Variants in STXBP5L observed in about 807,000 individuals in gnomAD.
STXBP5L encodes syntaxin-binding protein 5-like.
STXBP5L carries 65 observed loss-of-function variants against 144.5 expected under a neutral mutation model. That is an observed-to-expected ratio of 0.45 (90% CI 0.37 to 0.55). The LOEUF (loss-of-function observed/expected upper bound fraction) is 0.55. STXBP5L is among the 20% of genes least tolerant of loss of function. The pLI, the probability that STXBP5L is intolerant of heterozygous loss-of-function variation, is 0.00. For missense variants in STXBP5L, 1,298 were observed against 1,405.5 expected (o/e 0.92, Z 1.22); for synonymous variants, 505 against 469.6 (o/e 1.08, Z -0.97).
intron 2 of STXBP5L, among the ~76,000 whole-genome samples, chr3:120,917,544 C>T (rs1402612974): frequency 6.6e-6 from 1 of 152,016 alleles, no homozygotes; most frequent in Non-Finnish European, 1.5e-5. Flanking sequence ...TTTAAAATAG[C>T]AAGGGGTGGC....
intron 6 of STXBP5L, among the ~76,000 whole-genome samples, chr3:121,120,210 A>G (rs1189480108): frequency 1.3e-5 from 2 of 151,262 alleles, no homozygotes; most frequent in Non-Finnish European, 3.0e-5. Flanking sequence ...TCAAACCAAG[A>G]GACGGAGAGG....
chr3:121,057,218 G>T (rs150022831), intron 5 of STXBP5L, among the ~76,000 whole-genome samples: 1 of 151,740 alleles, frequency 6.6e-6, no homozygotes, highest in Non-Finnish European at 1.5e-5. Flanking sequence ...TTTTGTATGC[G>T]TCAAAAAACA....
At chr3:121,219,740 C>A (rs2048917019) in intron 10 of STXBP5L, among the ~76,000 whole-genome samples, 1 of 152,078 alleles carries the variant, frequency 6.6e-6, no homozygotes, top group Non-Finnish European at 1.5e-5. Flanking sequence ...TAATTAAGTT[C>A]TCCAAGCCTC....
rs1429297858 is a variant in STXBP5L at position 121,413,430 on chromosome 3, TC to T, written c.3114+109del. ...TTAGGTCAGACAATAATTATGCCCT[TC>T]CAATAACATGTTTTGAATATATATT... On this transcript the variant is annotated intron_variant, in intron 24 of 26. Coordinates refer to ENST00000471454, the MANE Select transcript of STXBP5L (RefSeq NM_001308330.2). 3.2e-6 allele frequency: 3 copies of T among 935,772 alleles called. No homozygotes were observed. In the African/African-American group the frequency reaches 5.1e-5, roughly 16 times the overall value. 58.0% of individuals were successfully genotyped at this position (935,772 alleles called of 1,614,324 possible). A position where few individuals can be genotyped will look rare whatever the true frequency, so the allele number is the denominator to read the frequency against.
At chr3:121,362,227 G>A (rs896247391) in intron 20 of STXBP5L, among the ~76,000 whole-genome samples, 1 of 152,200 alleles carries the variant, frequency 6.6e-6, no homozygotes, top group African/African-American at 2.4e-5. Flanking sequence ...ATTGTGATGA[G>A]TCAGACCTAA....
intron 3 of STXBP5L, among the ~76,000 whole-genome samples, chr3:120,991,103 G>C (rs1312159581): frequency 2.0e-5 from 3 of 151,956 alleles, no homozygotes; most frequent in African/African-American, 7.3e-5. Context: ...CTAATATCCA[G>C]AATCTACAAT....
chr3:121,386,358 C>G (rs188952465), intron 22 of STXBP5L, among the ~76,000 whole-genome samples: 11 of 152,196 alleles, frequency 7.2e-5, no homozygotes, highest in Non-Finnish European at 1.6e-4. Flanking sequence ...ATAACAGCCT[C>G]CAGCTGCATT....
chr3:120,987,996 G>T (rs901668619), intron 3 of STXBP5L, among the ~76,000 whole-genome samples: 1 of 151,184 alleles, frequency 6.6e-6, no homozygotes, highest in African/African-American at 2.4e-5. Context: ...GGACTATTTT[G>T]TTTGTTGCCT....
chr3:121,030,357 G>T lies in STXBP5L; in HGVS notation c.288-11343G>T, dbSNP rs898109955. On this transcript the variant is annotated intron_variant, in intron 3 of 26. Transcript: ENST00000471454. The stretch of plus-strand genomic sequence containing the variant: ...TGGAATATTATACAGCCATAGAAAA[G>T]GATGAGTTCATGTCCTTTGCAGGGA... 3.3e-5 allele frequency among the ~76,000 whole-genome samples: 5 copies of T among 152,136 alleles called. No homozygotes were observed. In the South Asian group the frequency reaches 6.2e-4, roughly 19 times the overall value.
At chr3:121,236,239 TACATATGAC>T (rs2049477566) in intron 12 of STXBP5L, among the ~76,000 whole-genome samples, 1 of 152,194 alleles carries the variant, frequency 6.6e-6, no homozygotes, top group Admixed American at 6.5e-5. Flanking sequence ...CACACAAACC[TACATATGAC>T]ACACATCTTT....
In STXBP5L at chr3:121,326,803, G is replaced by C. The variant is rs193192067; in HGVS notation, c.2176+8263G>C. Among the ~76,000 whole-genome samples, 6 of 152,138 alleles carry C rather than the reference G, an allele frequency of 3.9e-5. No individual in the cohort carries two copies. In the East Asian group the frequency reaches 1.2e-3, roughly 29 times the overall value. On this transcript the variant is annotated intron_variant, in intron 20 of 26. Coordinates refer to ENST00000471454, the MANE Select transcript of STXBP5L (RefSeq NM_001308330.2). ...ATAAAAGCAGTGGTGAATATCCATGGCCTGAAGAGACTCAGCTTGGTCCCT... is the reference window on the plus strand; with the variant it reads ...ATAAAAGCAGTGGTGAATATCCATGCCCTGAAGAGACTCAGCTTGGTCCCT...
chr3:121,313,692 A>C (rs1357865191), intron 19 of STXBP5L, among the ~76,000 whole-genome samples: 17 of 39,084 alleles, frequency 4.3e-4, no homozygotes, highest in Admixed American at 9.8e-4. Context: ...CGGGCAGAGG[A>C]GCCCCTCACC....
At position 120,991,276 on chromosome 3, in the gene STXBP5L, A is replaced by G. The variant is rs1279062059; in HGVS notation, c.287+36239A>G. Among the ~76,000 whole-genome samples, 4 of 151,520 alleles carry G rather than the reference A, an allele frequency of 2.6e-5. No individual in the cohort carries two copies. In the South Asian group the frequency reaches 6.2e-4, roughly 24 times the overall value. ...CAGAGAAATGCAAATCAAAACCACA[A>G]TGAGATACCATCTCACACCAGTTAG... On this transcript the variant is annotated intron_variant, in intron 3 of 26. Transcript: ENST00000471454.
At chr3:121,236,360 A>G (rs2049483256) in intron 12 of STXBP5L, among the ~76,000 whole-genome samples, 2 of 152,216 alleles carry the variant, frequency 1.3e-5, no homozygotes, top group African/African-American at 4.8e-5. Context: ...TAGATAATTT[A>G]TAAAGAAAAA....
At position 120,909,697 on chromosome 3, in the gene STXBP5L, C is replaced by G; in HGVS notation, c.119C>G (p.Ala40Gly). 2 of 1,612,090 alleles carry G rather than the reference C, an allele frequency of 1.2e-6. No individual in the cohort carries two copies. The highest frequency in any genetic ancestry group is 2.2e-5 in the East Asian group (1 of 44,828). Residue 40 changes from alanine (A) to glycine (G), a missense_variant, in exon 2 of 27, where the codon GCG becomes GGG. Coordinates refer to ENST00000471454, the MANE Select transcript of STXBP5L (RefSeq NM_001308330.2). The stretch of plus-strand genomic sequence containing the variant: ...GCTGGAAGTGGTTCCGTACATCCGG[C>G]GGGGACTGCAGGGGTTCTCAGAGAG... The part of the protein sequence containing the change: ...GGAGSGSVHP[A>G]GTAGVLREEI...
chr3:121,197,329 A>T (rs961371268), intron 9 of STXBP5L, among the ~76,000 whole-genome samples: 10 of 152,040 alleles, frequency 6.6e-5, no homozygotes, highest in African/African-American at 2.4e-4. Context: ...TTTTGATTGG[A>T]ATGTTTAATC....
intron 3 of STXBP5L, among the ~76,000 whole-genome samples, chr3:120,973,153 CTTTTTTGT>C (rs1940478050): frequency 6.6e-6 from 1 of 152,062 alleles, no homozygotes; most frequent in African/African-American, 2.4e-5. Context: ...ACCATAAGTT[CTTTTTTGT>C]AAATGTGGTA....
intron 3 of STXBP5L, among the ~76,000 whole-genome samples, chr3:120,955,571 A>C (rs1209695052): frequency 6.6e-6 from 1 of 152,136 alleles, no homozygotes; most frequent in African/African-American, 2.4e-5. Context: ...CTTGTTTTTT[A>C]AAATTAAACT....
At chr3:121,076,883 A>G (rs2042040532) in intron 5 of STXBP5L, among the ~76,000 whole-genome samples, 1 of 151,972 alleles carries the variant, frequency 6.6e-6, no homozygotes. Context: ...GTCCTATTAC[A>G]GGAGGTTTTG....
Sources: gnomAD v4.1 joint callset for allele counts (sites outside exome capture counted in the v4.1 genomes callset) on GRCh38, gnomAD v4.1.1 for gene constraint, MANE v1.5 for transcripts, NCBI Gene and HGNC (gene_info 2026-07-23, HGNC 2026-07-21) for gene names.